Variants in SEMA3E observed in about 807,000 individuals in gnomAD.
SEMA3E encodes semaphorin-3E.
Under a neutral mutation model 93.6 loss-of-function variants are expected in SEMA3E, and 49 were observed. The ratio of observed to expected loss-of-function variants is 0.52; its 90% CI spans 0.42 to 0.66. The LOEUF is 0.66. Ranked by LOEUF, SEMA3E falls within the 30% of genes least tolerant of loss-of-function variation. The pLI, the probability that SEMA3E is intolerant of heterozygous loss-of-function variation, is 0.00. For synonymous variants in SEMA3E, 363 were observed against 330.7 expected, an observed-to-expected ratio of 1.10 and a Z score of -1.06; for missense variants, 906 against 964.8, an observed-to-expected ratio of 0.94 and a Z score of 0.81.
At chr7:83,506,286 T>C (rs1790704460) in intron 1 of SEMA3E, among the ~76,000 whole-genome samples, 1 of 151,980 alleles carries the variant, frequency 6.6e-6, no homozygotes, top group Non-Finnish European at 1.5e-5. Context: ...TTATTCAGAC[T>C]TAAAAAATAA....
intron 2 of SEMA3E, among the ~76,000 whole-genome samples, chr7:83,486,160 G>C (rs983296123): frequency 3.3e-5 from 5 of 152,066 alleles, no homozygotes; most frequent in African/African-American, 1.2e-4. Context: ...TGGGACTACA[G>C]GCATGTATCA....
chr7:83,509,133 C>T (rs1482615157), intron 1 of SEMA3E, among the ~76,000 whole-genome samples: 2 of 152,044 alleles, frequency 1.3e-5, no homozygotes, highest in Non-Finnish European at 2.9e-5. Context: ...AATTTTGGGA[C>T]CCCTGGGATG....
intron 1 of SEMA3E, among the ~76,000 whole-genome samples, chr7:83,522,747 T>C (rs1248761028): frequency 6.6e-6 from 1 of 152,142 alleles, no homozygotes; most frequent in Non-Finnish European, 1.5e-5. Flanking sequence ...CATTTTTTAG[T>C]ATGATATCTT....
chr7:83,399,362 T>C (rs960536028), intron 11 of SEMA3E, among the ~76,000 whole-genome samples: 1 of 152,112 alleles, frequency 6.6e-6, no homozygotes, highest in Non-Finnish European at 1.5e-5. Flanking sequence ...AAATATCACT[T>C]GTAGCATATT....
intron 1 of SEMA3E, among the ~76,000 whole-genome samples, chr7:83,620,368 C>A (rs2115626595): frequency 6.6e-6 from 1 of 152,028 alleles, no homozygotes; most frequent in East Asian, 1.9e-4. Context: ...ACCTACCAAC[C>A]AAAAACAGCC....
At chr7:83,560,785 A>G (rs1416263168) in intron 1 of SEMA3E, among the ~76,000 whole-genome samples, 2 of 151,974 alleles carry the variant, frequency 1.3e-5, no homozygotes, top group Admixed American at 6.6e-5. Flanking sequence ...GAACTTTGCC[A>G]TCAGAAAATA....
chr7:83,408,338 T>C, intron 6 of SEMA3E, 30 bp downstream of exon 6: 5 of 1,613,324 alleles, frequency 3.1e-6, no homozygotes, highest in Non-Finnish European at 4.2e-6. Flanking sequence ...ATTTCAATCC[T>C]AATTCACATA....
At chr7:83,432,572 AAG>A (rs1788910969) in intron 4 of SEMA3E, among the ~76,000 whole-genome samples, 1 of 152,222 alleles carries the variant, frequency 6.6e-6, no homozygotes, top group East Asian at 1.9e-4. Flanking sequence ...TTTTACTGGT[AAG>A]AGTCATTGAA....
chr7:83,390,052 TACGTGTGCACATATATGC>T (rs1787977831), intron 14 of SEMA3E, among the ~76,000 whole-genome samples: 1 of 141,864 alleles, frequency 7.0e-6, no homozygotes, highest in Non-Finnish European at 1.6e-5. Context: ...TATGCGCGTA[TACGTGTGCACATATATGC>T]GCGTATACGT....
intron 4 of SEMA3E, among the ~76,000 whole-genome samples, chr7:83,454,272 A>AAAATAT (rs1257792756): frequency 6.0e-4 from 66 of 110,088 alleles, no homozygotes; most frequent in African/African-American, 2.6e-3. Flanking sequence ...AAAAAAAAAA[A>AAAATAT]ATATATATAT....
At position 83,560,317 on chromosome 7, in the gene SEMA3E, G is replaced by A. The variant is rs376031135; in HGVS notation, c.116-70043C>T. ...AAGACGGGAGGCTACGCATGTGTAG[G>A]GGCGGGGAGTATATGAGAAATCTCC... On this transcript the variant is annotated intron_variant, in intron 1 of 16. Coordinates refer to ENST00000643230, the MANE Select transcript of SEMA3E (RefSeq NM_012431.3). 7.9e-5 allele frequency among the ~76,000 whole-genome samples: 12 copies of A among 152,114 alleles called. 1 individual carries two copies. The highest frequency in any genetic ancestry group is 6.6e-5 in the Admixed American group (1 of 15,262).
chr7:83,616,468 C>A, intron 1 of SEMA3E: 1 of 241,108 alleles, frequency 4.1e-6, no homozygotes, highest in South Asian at 4.2e-5. Context: ...ATAAAAATTG[C>A]TTTAATACAT....
At chr7:83,526,882 G>T (rs1791171659) in intron 1 of SEMA3E, among the ~76,000 whole-genome samples, 1 of 152,118 alleles carries the variant, frequency 6.6e-6, no homozygotes, top group South Asian at 2.1e-4. Flanking sequence ...GCTGCACGTG[G>T]ATCAGCTCTG....
chr7:83,381,884 G>C (rs1787785264), intron 16 of SEMA3E, among the ~76,000 whole-genome samples: 1 of 151,936 alleles, frequency 6.6e-6, no homozygotes. Context: ...TGTATGTTGT[G>C]TAACAATGGT....
chr7:83,569,085 C>A (rs746863866), intron 1 of SEMA3E, among the ~76,000 whole-genome samples: 10 of 151,448 alleles, frequency 6.6e-5, no homozygotes, highest in Non-Finnish European at 1.3e-4. Context: ...TTTCTATATA[C>A]CAATAATGAG....
chr7:83,465,279 G>A (rs1036528512), intron 4 of SEMA3E, among the ~76,000 whole-genome samples: 3 of 151,424 alleles, frequency 2.0e-5, no homozygotes, highest in East Asian at 1.9e-4. Flanking sequence ...ATCTCCCTTC[G>A]CTGACTCTCT....
intron 2 of SEMA3E, among the ~76,000 whole-genome samples, chr7:83,481,983 C>A (rs1790154228): frequency 6.6e-6 from 1 of 152,082 alleles, no homozygotes; most frequent in Non-Finnish European, 1.5e-5. Flanking sequence ...ATTACAATCA[C>A]CTGGGAGAGT....
chr7:83,458,855 TTA>T lies in SEMA3E; in HGVS notation c.456+7625_456+7626del, dbSNP rs1045678940. Among the ~76,000 whole-genome samples the T allele has an allele frequency of 5.6e-4, 82 of 147,700 alleles. 1 individual carries two copies. Among genetic ancestry groups the T allele is most frequent in the African/African-American group, 1.9e-3 (79 of 40,644 alleles). On this transcript the variant is annotated intron_variant, in intron 4 of 16. Coordinates refer to ENST00000643230, the MANE Select transcript of SEMA3E (RefSeq NM_012431.3). ...TAAATATATATATTTTTCTTTTTTG[TTA>T]TATATATGATTATATGTTATATATA...
intron 4 of SEMA3E, among the ~76,000 whole-genome samples, chr7:83,437,129 T>C (rs192986685): frequency 6.6e-6 from 1 of 152,080 alleles, no homozygotes; most frequent in Non-Finnish European, 1.5e-5. Flanking sequence ...AAGATGAGAT[T>C]TGGGTCAGGA....
Sources: gnomAD v4.1 joint callset for allele counts (sites outside exome capture counted in the v4.1 genomes callset) on GRCh38, gnomAD v4.1.1 for gene constraint, MANE v1.5 for transcripts, NCBI Gene and HGNC (gene_info 2026-07-23, HGNC 2026-07-21) for gene names.